Variants in PCDHB3 observed in about 807,000 individuals in gnomAD.
PCDHB3 encodes the protein protocadherin beta 3.
For missense variants in PCDHB3, 967 were observed against 1,012.1 expected (o/e 0.96, Z 0.60); for synonymous variants, 479 against 456.0 (o/e 1.05, Z -0.64).
At position 141,102,109 on chromosome 5, in the gene PCDHB3, C is replaced by A. The variant is rs1369951556; in HGVS notation, c.1460C>A (p.Thr487Asn). The part of the protein sequence containing the change: ...DRDSGTNAQV[T>N]YSLLPPQDPH... ...GACTCAGGCACCAACGCCCAGGTAA[C>A]CTACTCGCTGCTGCCGCCCCAGGAC... The change falls in exon 1 of 1, where the codon ACC becomes AAC. Residue 487 changes from threonine (T) to asparagine (N), a missense_variant. Physicochemically the swap from Thr to Asn is moderately conservative, Grantham distance 65. Transcript: ENST00000231130. 2 of 1,612,858 alleles carry A rather than the reference C, an allele frequency of 1.2e-6. No homozygotes were observed. The highest frequency in any genetic ancestry group is 1.7e-6 in the Non-Finnish European group (2 of 1,180,048).
rs558251645 is a variant in PCDHB3 at position 141,102,292 on chromosome 5, G to T, written c.1643G>T (p.Arg548Leu). 2.5e-5 allele frequency: 40 copies of T among 1,611,716 alleles called. 1 individual carries two copies. In the Admixed American group the frequency reaches 4.2e-4, roughly 17 times the overall value. Residue 548 changes from arginine (R) to leucine (L), a missense_variant, in exon 1 of 1, where the codon CGC becomes CTC. Transcript: ENST00000231130. Reference sequence around the variant, plus strand: ...GCTTTGAGCAGCGAGGCGCTGGTGCGCGTGCTGGTGCTGGACGCCAACGAC... The same window carrying T: ...GCTTTGAGCAGCGAGGCGCTGGTGCTCGTGCTGGTGCTGGACGCCAACGAC... ...SPALSSEALVRVLVLDANDNS... is the reference protein window; with the variant it reads ...SPALSSEALVLVLVLDANDNS...
Position 141,101,770 on chromosome 5 carries a change from A to G in PCDHB3, c.1121A>G (p.Asp374Gly). ...GCTGTTTTCAGTGTTTCTGATCTAG[A>G]CTCTGGAGACAACGGAAGAGTGATG... ...VLAVFSVSDL[D>G]SGDNGRVMCS... is the part of the protein sequence containing the mutation. The change falls in exon 1 of 1, where the codon GAC becomes GGC. Residue 374 changes from aspartate (D) to glycine (G), a missense_variant. Transcript: ENST00000231130. 1 of 1,613,986 alleles carries G rather than the reference A, an allele frequency of 6.2e-7. No individual in the cohort carries two copies. Among genetic ancestry groups the G allele is most frequent in the Non-Finnish European group, 8.5e-7 (1 of 1,180,018 alleles).
rs373144175 is a variant in PCDHB3 at position 141,103,066 on chromosome 5, C to G, written c.*26C>G. Reference sequence around the variant, plus strand: ...GTGTTAATAAGGATCTACTGAGCCTCGTCTTAGTTAATCTGTGGAAAGTCC... The same window carrying G: ...GTGTTAATAAGGATCTACTGAGCCTGGTCTTAGTTAATCTGTGGAAAGTCC... On this transcript the variant is annotated 3_prime_UTR_variant, in exon 1 of 1. Transcript: ENST00000231130. 41 of 1,577,376 alleles carry G rather than the reference C, an allele frequency of 2.6e-5. 1 individual carries two copies. In the Middle Eastern group the frequency reaches 6.8e-4, roughly 26 times the overall value.
In PCDHB3 at chr5:141,102,046, C is replaced by T; in HGVS notation, c.1397C>T (p.Pro466Leu). The T allele has an allele frequency of 6.2e-7, 1 of 1,613,042 alleles. No homozygotes were observed. Among genetic ancestry groups the T allele is most frequent in the African/African-American group, 1.3e-5 (1 of 74,998 alleles). The change falls in exon 1 of 1, where the codon CCC becomes CTC. Residue 466 changes from proline to leucine, a missense_variant. Pro to Leu is a moderately conservative substitution (Grantham distance 98, BLOSUM62 -3). Coordinates refer to ENST00000231130, the MANE Select transcript of PCDHB3 (RefSeq NM_018937.5). ...YTLFVRENNS[P>L]ALHIGSVSAT... Reference sequence around the variant, plus strand: ...CTGTTCGTCCGCGAGAACAACAGCCCCGCCCTGCACATCGGCAGTGTCAGC... The same window carrying T: ...CTGTTCGTCCGCGAGAACAACAGCCTCGCCCTGCACATCGGCAGTGTCAGC...
In PCDHB3 at chr5:141,102,733, C is replaced by T. The variant is rs782581349; in HGVS notation, c.2084C>T (p.Ala695Val). 1.1e-5 allele frequency: 18 copies of T among 1,611,750 alleles called. 1 individual carries two copies. The highest frequency in any genetic ancestry group is 3.3e-5 in the South Asian group (3 of 91,000). The change falls in exon 1 of 1, where the codon GCC becomes GTC. Residue 695 changes from alanine (A) to valine (V), a missense_variant. By Grantham distance (64) the Ala-to-Val change is moderately conservative (BLOSUM62 0). Transcript: ENST00000231130. Reference sequence around the variant, plus strand: ...ACCGTCTACCTGGTGGTGGCATTGGCCTCGGTGTCTTCGCTCTTCCTCTTT... The same window carrying T: ...ACCGTCTACCTGGTGGTGGCATTGGTCTCGGTGTCTTCGCTCTTCCTCTTT... ...LLTVYLVVAL[A>V]SVSSLFLFSV...
In PCDHB3 at chr5:141,102,428, C is replaced by T. The variant is rs1355774056; in HGVS notation, c.1779C>T (p.Asp593=). The T allele has an allele frequency of 5.0e-6, 8 of 1,610,400 alleles. No homozygotes were observed. The African/African-American group carries it at 1.1e-4, about 22-fold the overall frequency. The part of the protein sequence containing the change: ...GYLVTKVVAV[D]GDSGQNAWLS... ...TGGTGACCAAGGTGGTGGCGGTGGA[C>T]GGCGACTCGGGCCAGAACGCCTGGC... Residue 593 remains aspartate (D), a synonymous_variant, in exon 1 of 1, where the codon GAC becomes GAT. Transcript: ENST00000231130.
In PCDHB3 at chr5:141,100,838, G is replaced by T. The variant is rs1389381409; in HGVS notation, c.189G>T (p.Gly63=). 1 of 1,614,042 alleles carries T rather than the reference G, an allele frequency of 6.2e-7. No homozygotes were observed. The change falls in exon 1 of 1, where the codon GGG becomes GGT. Residue 63 remains glycine, a synonymous_variant. Coordinates refer to ENST00000231130, the MANE Select transcript of PCDHB3 (RefSeq NM_018937.5). The part of the protein sequence containing the change: ...GLRVEELAAR[G]AQVVSKGNKQ... Reference sequence around the variant, plus strand: ...GGGTAGAGGAACTGGCCGCGAGGGGGGCCCAAGTTGTGTCCAAAGGGAACA... The same window carrying T: ...GGGTAGAGGAACTGGCCGCGAGGGGTGCCCAAGTTGTGTCCAAAGGGAACA...
Position 141,103,240 on chromosome 5 carries a change from T to C in PCDHB3, c.*200T>C. ...TGTGTGGCTCTGAATGTTTTGTATT[T>C]CAATCGAGAATCCTTAGTCGATAGA... On this transcript the variant is annotated 3_prime_UTR_variant, in exon 1 of 1. Coordinates refer to ENST00000231130, the MANE Select transcript of PCDHB3 (RefSeq NM_018937.5). 1 of 538,158 alleles carries C rather than the reference T, an allele frequency of 1.9e-6. No homozygotes were observed. The allele number at this position is 538,158 out of a possible 1,614,324, so 33.3% of individuals were successfully genotyped here.
Position 141,102,520 on chromosome 5 carries a change from T to G in PCDHB3, c.1871T>G (p.Val624Gly). The G allele has an allele frequency of 1.2e-6, 2 of 1,608,572 alleles. No individual in the cohort carries two copies. Among genetic ancestry groups the G allele is most frequent in the East Asian group, 2.2e-5 (1 of 44,862 alleles). Residue 624 changes from valine to glycine, a missense_variant, in exon 1 of 1, where the codon GTG becomes GGG. By Grantham distance (109) the Val-to-Gly change is moderately radical. Transcript: ENST00000231130. ...LFGVWAHNGE[V>G]RTARLLSERD... is the part of the protein sequence containing the mutation. ...GGCGTGTGGGCGCACAATGGCGAAGTGCGCACCGCCAGGCTGCTGAGCGAG... is the reference window on the plus strand; with the variant it reads ...GGCGTGTGGGCGCACAATGGCGAAGGGCGCACCGCCAGGCTGCTGAGCGAG...
At position 141,101,684 on chromosome 5, in the gene PCDHB3, G is replaced by A. The variant is rs1412518919; in HGVS notation, c.1035G>A (p.Pro345=). The change falls in exon 1 of 1, where the codon CCG becomes CCA. Residue 345 remains proline (P), a synonymous_variant. Coordinates refer to ENST00000231130, the MANE Select transcript of PCDHB3 (RefSeq NM_018937.5). ...VQVVDVNDNP[P]ELTLSSVNSP... The stretch of plus-strand genomic sequence containing the variant: ...TGGTTGATGTCAACGACAACCCACC[G>A]GAACTGACCTTGTCTTCAGTAAACA... 3.1e-6 allele frequency: 5 copies of A among 1,613,756 alleles called. No homozygotes were observed. The highest frequency in any genetic ancestry group is 4.5e-5 in the East Asian group (2 of 44,878).
chr5:141,102,740 G>A lies in PCDHB3; in HGVS notation c.2091G>A (p.Val697=), dbSNP rs1274711392. ...ACCTGGTGGTGGCATTGGCCTCGGT[G>A]TCTTCGCTCTTCCTCTTTTCGGTGC... ...TVYLVVALAS[V]SSLFLFSVLL... The change falls in exon 1 of 1, where the codon GTG becomes GTA. Residue 697 remains valine, a synonymous_variant. Coordinates refer to ENST00000231130, the MANE Select transcript of PCDHB3 (RefSeq NM_018937.5). 3.1e-6 allele frequency: 5 copies of A among 1,611,848 alleles called. No individual in the cohort carries two copies. Among genetic ancestry groups the A allele is most frequent in the East Asian group, 4.5e-5 (2 of 44,864 alleles).
In PCDHB3 at chr5:141,102,278, C is replaced by A. The variant is rs1751971832; in HGVS notation, c.1629C>A (p.Ser543Arg). 1.2e-6 allele frequency: 2 copies of A among 1,611,808 alleles called. No individual in the cohort carries two copies. The highest frequency in any genetic ancestry group is 1.7e-5 in the Admixed American group (1 of 59,978). Residue 543 changes from serine to arginine, a missense_variant, in exon 1 of 1, where the codon AGC (serine) becomes AGA (arginine). Physicochemically the swap from Ser to Arg is moderately radical, Grantham distance 110. Transcript: ENST00000231130. ...ATDRGSPALS[S>R]EALVRVLVLD... ...ACCGTGGCTCCCCGGCTTTGAGCAG[C>A]GAGGCGCTGGTGCGCGTGCTGGTGC...
rs1486738181 is a variant in PCDHB3, at chr5:141,102,653, G to C, written c.2004G>C (p.Gln668His). Residue 668 changes from glutamine to histidine, a missense_variant, in exon 1 of 1, where the codon CAG (glutamine) becomes CAC (histidine). Transcript: ENST00000231130. ...LHVLLVDGFS[Q>H]PYLPLPEAAP... ...TGCTCCTGGTGGACGGCTTCTCCCA[G>C]CCCTACCTGCCTCTCCCGGAGGCGG... The C allele has an allele frequency of 1.9e-6, 3 of 1,610,660 alleles. No individual in the cohort carries two copies. In the Admixed American group the frequency reaches 5.0e-5, roughly 27 times the overall value.
In PCDHB3 at chr5:141,102,431, C is replaced by T. The variant is rs61741486; in HGVS notation, c.1782C>T (p.Gly594=). The T allele has an allele frequency of 6.2e-6, 10 of 1,610,264 alleles. No individual in the cohort carries two copies. The highest frequency in any genetic ancestry group is 1.1e-5 in the South Asian group (1 of 90,976). ...YLVTKVVAVD[G]DSGQNAWLSY... is the part of the protein sequence containing the mutation. ...TGACCAAGGTGGTGGCGGTGGACGGCGACTCGGGCCAGAACGCCTGGCTGT... is the reference window on the plus strand; with the variant it reads ...TGACCAAGGTGGTGGCGGTGGACGGTGACTCGGGCCAGAACGCCTGGCTGT... The change falls in exon 1 of 1, where the codon GGC becomes GGT. Residue 594 remains glycine (G), a synonymous_variant. Coordinates refer to ENST00000231130, the MANE Select transcript of PCDHB3 (RefSeq NM_018937.5).
chr5:141,100,757 T>C lies in PCDHB3; in HGVS notation c.108T>C (p.Ala36=), dbSNP rs1264946833. Reference sequence around the variant, plus strand: ...CCGAGTCAAGACGCTATTCTGTGGCTGAGGAAAAAGAGAAGGGCTTTTTAA... The same window carrying C: ...CCGAGTCAAGACGCTATTCTGTGGCCGAGGAAAAAGAGAAGGGCTTTTTAA... ...AGSESRRYSV[A]EEKEKGFLIA... is the part of the protein sequence containing the mutation. The change falls in exon 1 of 1, where the codon GCT becomes GCC. Residue 36 remains alanine, a synonymous_variant. Transcript: ENST00000231130. 6.2e-6 allele frequency: 10 copies of C among 1,614,092 alleles called. No homozygotes were observed. The highest frequency in any genetic ancestry group is 8.5e-6 in the Non-Finnish European group (10 of 1,180,024).
Position 141,103,557 on chromosome 5 carries a change from T to C in PCDHB3, c.*517T>C, listed in dbSNP as rs1011233247. 10 of 152,290 alleles carry C rather than the reference T, an allele frequency of 6.6e-5. No homozygotes were observed. The highest frequency in any genetic ancestry group is 2.9e-5 in the Non-Finnish European group (2 of 68,084). 9.4% of individuals were successfully genotyped at this position (152,290 alleles called of 1,614,324 possible). A position where few individuals can be genotyped will look rare whatever the true frequency, so the allele number is the denominator to read the frequency against. ...ATAATATGCCCAAAGCAGCTTTGTC[T>C]ATAGTTAACAAAGTTTTAAGGATAG... On this transcript the variant is annotated 3_prime_UTR_variant, in exon 1 of 1. Coordinates refer to ENST00000231130, the MANE Select transcript of PCDHB3 (RefSeq NM_018937.5).
Position 141,101,011 on chromosome 5 carries a change from T to C in PCDHB3, c.362T>C (p.Leu121Pro). 2.5e-6 allele frequency: 4 copies of C among 1,614,166 alleles called. No homozygotes were observed. The highest frequency in any genetic ancestry group is 3.4e-6 in the Non-Finnish European group (4 of 1,180,030). The change falls in exon 1 of 1, where the codon CTC becomes CCC. Residue 121 changes from leucine (L) to proline (P), a missense_variant. Leu to Pro is a moderately conservative substitution (Grantham distance 98). Coordinates refer to ENST00000231130, the MANE Select transcript of PCDHB3 (RefSeq NM_018937.5). ...CCTTTGCAATTCGTTACAAACGAGC[T>C]CCGTATCATAGATGTAAATGACCAT... ...QNPLQFVTNE[L>P]RIIDVNDHSP... is the part of the protein sequence containing the mutation.
At position 141,101,694 on chromosome 5, in the gene PCDHB3, T is replaced by C; in HGVS notation, c.1045T>C (p.Leu349=). The C allele has an allele frequency of 6.2e-7, 1 of 1,613,922 alleles. No homozygotes were observed. Among genetic ancestry groups the C allele is most frequent in the Non-Finnish European group, 8.5e-7 (1 of 1,179,898 alleles). ...CAACGACAACCCACCGGAACTGACCTTGTCTTCAGTAAACAGCCCTATTCC... is the reference window on the plus strand; with the variant it reads ...CAACGACAACCCACCGGAACTGACCCTGTCTTCAGTAAACAGCCCTATTCC... The part of the protein sequence containing the change: ...DVNDNPPELT[L]SSVNSPIPEN... The change falls in exon 1 of 1, where the codon TTG becomes CTG. Residue 349 remains leucine (L), a synonymous_variant. Transcript: ENST00000231130.
chr5:141,100,974 T>C lies in PCDHB3; in HGVS notation c.325T>C (p.Leu109=), dbSNP rs782017556. The C allele has an allele frequency of 3.2e-5, 51 of 1,613,962 alleles. No individual in the cohort carries two copies. Among genetic ancestry groups the C allele is most frequent in the Non-Finnish European group, 4.2e-6 (5 of 1,180,028 alleles). ...TEPCILHFQI[L]LQNPLQFVTN... is the part of the protein sequence containing the mutation. ...ACCATGCATACTACATTTTCAGATA[T>C]TACTGCAAAACCCTTTGCAATTCGT... The change falls in exon 1 of 1, where the codon TTA becomes CTA. Residue 109 remains leucine (L), a synonymous_variant. Transcript: ENST00000231130.
Sources: allele counts gnomAD v4.1 joint callset, GRCh38; gene constraint gnomAD v4.1.1; transcripts MANE v1.5; gene names NCBI Gene and HGNC (gene_info 2026-07-23, HGNC 2026-07-21).